The following CNBP variants were observed in gnomAD, a reference collection of about 807,000 sequenced individuals.
CNBP encodes the protein CCHC-type zinc finger nucleic acid binding protein, also known as cellular nucleic acid-binding protein.
A neutral mutation model predicts 21.2 loss-of-function variants in CNBP; 6 were observed. The ratio of observed to expected loss-of-function variants is 0.28; its 90% CI spans 0.16 to 0.56. The LOEUF (loss-of-function observed/expected upper bound fraction) is 0.56. Among genes scored for constraint, CNBP ranks in the 20% least tolerant of loss-of-function variants. The probability of loss-of-function intolerance (pLI) is 0.93; values close to 1 mark genes in which losing one functional copy is unlikely to be tolerated. For missense variants in CNBP, 112 were observed against 233.1 expected, an observed-to-expected ratio of 0.48 and a Z score of 3.38; for synonymous variants, 61 against 74.9, an observed-to-expected ratio of 0.81 and a Z score of 0.96.
At chr3:129,172,695 GACACACACACAC>G (rs1553787467) in intron 1 of CNBP, among the ~76,000 whole-genome samples, 10 of 78,814 alleles carry the variant, frequency 1.3e-4, no homozygotes, top group African/African-American at 4.7e-4. Flanking sequence ...CAGACAGACA[GACACACACACAC>G]ACACACACAC....
intron 1 of CNBP, among the ~76,000 whole-genome samples, chr3:129,178,051 C>G (rs1460605825): frequency 6.7e-6 from 1 of 150,362 alleles, no homozygotes; most frequent in East Asian, 2.0e-4. Flanking sequence ...CCCAGCTACT[C>G]AGGAGGCTGA....
chr3:129,171,664 G>A lies in CNBP; in HGVS notation c.94C>T (p.Arg32Cys), dbSNP rs1178821916. The change falls in exon 2 of 5, where the codon CGT (arginine) becomes TGT (cysteine). Residue 32 changes from arginine (R) to cysteine (C), a missense_variant. Transcript: ENST00000422453. ...TCCGAGGTAAAACCACCTCTGCCAC[G>A]GCTTCTCATTCCACGACCACGGCCT... The part of the protein sequence containing the change: ...GGGRGRGMRS[R>C]GRGGFTSDRG... The A allele has an allele frequency of 6.2e-7, 1 of 1,614,012 alleles. No individual in the cohort carries two copies. The highest frequency in any genetic ancestry group is 1.3e-5 in the African/African-American group (1 of 74,932).
Position 129,174,885 on chromosome 3 carries a change from G to A in CNBP, c.-14-3114C>T, listed in dbSNP as rs555558397. Among the ~76,000 whole-genome samples the A allele has an allele frequency of 7.2e-5, 11 of 151,826 alleles. No homozygotes were observed. The South Asian group carries it at 1.2e-3, about 17-fold the overall frequency. ...ATCTTATAATTTAATATTTAAACAA[G>A]ATACATCTCTTTTAGAAAATACAAA... On this transcript the variant is annotated intron_variant, in intron 1 of 4. Coordinates refer to ENST00000422453, the MANE Select transcript of CNBP (RefSeq NM_003418.5).
At position 129,174,744 on chromosome 3, in the gene CNBP, T is replaced by C. The variant is rs531848482; in HGVS notation, c.-14-2973A>G. On this transcript the variant is annotated intron_variant, in intron 1 of 4. Coordinates refer to ENST00000422453, the MANE Select transcript of CNBP (RefSeq NM_003418.5). Reference sequence around the variant, plus strand: ...ACTTCCTCCCCATCTTCATTTTGTATCTTCTCCAATTTAGTCAGATCAGCT... The same window carrying C: ...ACTTCCTCCCCATCTTCATTTTGTACCTTCTCCAATTTAGTCAGATCAGCT... Among the ~76,000 whole-genome samples the C allele has an allele frequency of 6.6e-5, 10 of 152,046 alleles. No homozygotes were observed. The East Asian group carries it at 1.9e-3, about 29-fold the overall frequency.
At position 129,168,571 on chromosome 3, in the gene CNBP, G is replaced by C. The variant is rs1202631385; in HGVS notation, c.*1882C>G. On this transcript the variant is annotated 3_prime_UTR_variant, in exon 5 of 5. Transcript: ENST00000422453. ...TGCAGTGAGCTGAGATTGCACCATT[G>C]CACTCTAGCCTGGGCAACAGAGCGA... Among the ~76,000 whole-genome samples the C allele has an allele frequency of 8.4e-6, 1 of 118,350 alleles. No homozygotes were observed. The highest frequency in any genetic ancestry group is 1.6e-5 in the Non-Finnish European group (1 of 62,138). 77.6% of individuals were successfully genotyped at this position (118,350 alleles called of 152,430 possible).
chr3:129,180,454 TG>T (rs1262144355), intron 1 of CNBP, among the ~76,000 whole-genome samples: 1 of 152,246 alleles, frequency 6.6e-6, no homozygotes, highest in Non-Finnish European at 1.5e-5. Context: ...CCATTCCAGG[TG>T]ATCACTGTAG....
intron 1 of CNBP, among the ~76,000 whole-genome samples, chr3:129,176,508 T>C (rs1176251599): frequency 6.6e-6 from 1 of 152,220 alleles, no homozygotes; most frequent in Non-Finnish European, 1.5e-5. Flanking sequence ...TGTAACTCAG[T>C]ATTTTAATTC....
At chr3:129,176,940 C>T (rs1361791822) in intron 1 of CNBP, among the ~76,000 whole-genome samples, 2 of 152,008 alleles carry the variant, frequency 1.3e-5, no homozygotes, top group Middle Eastern at 3.2e-3. Context: ...AATCATAAAA[C>T]CATGAAAATT....
chr3:129,172,354 G>C (rs1408504219), intron 1 of CNBP, among the ~76,000 whole-genome samples: 2 of 151,950 alleles, frequency 1.3e-5, no homozygotes, highest in Admixed American at 6.6e-5. Context: ...GGCTGAAGCG[G>C]GTGGACCATC....
At position 129,171,142 on chromosome 3, in the gene CNBP, T is replaced by G; in HGVS notation, c.353A>C (p.Lys118Thr). Residue 118 changes from lysine to threonine, a missense_variant, in exon 4 of 5, where the codon AAA becomes ACA. By Grantham distance (78) the Lys-to-Thr change is moderately conservative. Transcript: ENST00000422453. ...ARDCDHADEQKCYSCGEFGHI... is the reference protein window; with the variant it reads ...ARDCDHADEQTCYSCGEFGHI... ...TCCGAATTCTCCACAAGAATAGCATTTCTGCTCATCTGCATGGTCGCAGTC... is the reference window on the plus strand; with the variant it reads ...TCCGAATTCTCCACAAGAATAGCATGTCTGCTCATCTGCATGGTCGCAGTC... 6.2e-7 allele frequency: 1 copy of G among 1,614,246 alleles called. No homozygotes were observed. Among genetic ancestry groups the G allele is most frequent in the African/African-American group, 1.3e-5 (1 of 75,060 alleles).
intron 4 of CNBP, among the ~76,000 whole-genome samples, 175 bp downstream of exon 4, chr3:129,170,904 G>A (rs1937555851): frequency 6.6e-6 from 1 of 152,026 alleles, no homozygotes; most frequent in Non-Finnish European, 1.5e-5. Context: ...AGGATATCAG[G>A]GCAGAATACA....
At position 129,168,447 on chromosome 3, in the gene CNBP, A is replaced by G. The variant is rs1227101617; in HGVS notation, c.*2006T>C. Among the ~76,000 whole-genome samples, 1 of 138,170 alleles carries G rather than the reference A, an allele frequency of 7.2e-6. No individual in the cohort carries two copies. The highest frequency in any genetic ancestry group is 2.7e-5 in the African/African-American group (1 of 37,172). 90.6% of individuals were successfully genotyped at this position (138,170 alleles called of 152,430 possible). A position where few individuals can be genotyped will look rare whatever the true frequency, so the allele number is the denominator to read the frequency against. On this transcript the variant is annotated 3_prime_UTR_variant, in exon 5 of 5. Transcript: ENST00000422453. Reference sequence around the variant, plus strand: ...CCCATCTCTACTAAAAATAACAAAAATTAGCTGGGTGTGGTGGCGGACACC... The same window carrying G: ...CCCATCTCTACTAAAAATAACAAAAGTTAGCTGGGTGTGGTGGCGGACACC...
rs1382490800 is a variant in CNBP at position 129,172,612 on chromosome 3, GCAGACAGGCAGC to G, written c.-14-853_-14-842del. Reference sequence around the variant, plus strand: ...GGCAGGCAGGCAGGCAGGCAGACAGGCAGACAGGCAGCCAGGCAGGCAGGCAGGCAGGCAGGC... The same window carrying G: ...GGCAGGCAGGCAGGCAGGCAGACAGGCAGGCAGGCAGGCAGGCAGGCAGGC... On this transcript the variant is annotated intron_variant, in intron 1 of 4. Coordinates refer to ENST00000422453, the MANE Select transcript of CNBP (RefSeq NM_003418.5). Among the ~76,000 whole-genome samples the G allele has an allele frequency of 1.6e-3, 36 of 22,086 alleles. 1 individual carries two copies. In the East Asian group the frequency reaches 0.016, roughly 10 times the overall value. 14.5% of individuals were successfully genotyped at this position (22,086 alleles called of 152,430 possible).
intron 1 of CNBP, among the ~76,000 whole-genome samples, chr3:129,182,381 G>C (rs531725978): frequency 1.3e-5 from 2 of 152,196 alleles, no homozygotes; most frequent in African/African-American, 4.8e-5. Context: ...GACGATTACT[G>C]AGCAATGTTC....
intron 1 of CNBP, among the ~76,000 whole-genome samples, chr3:129,180,751 A>C (rs1452486024): frequency 6.6e-6 from 1 of 151,124 alleles, no homozygotes; most frequent in South Asian, 2.1e-4. Flanking sequence ...GGAAGAGAAA[A>C]AGGAACCAAT....
chr3:129,176,054 T>C (rs1028704662), intron 1 of CNBP, among the ~76,000 whole-genome samples: 6 of 152,200 alleles, frequency 3.9e-5, no homozygotes, highest in Non-Finnish European at 8.8e-5. Flanking sequence ...CTACTTATAT[T>C]AGGCAGCAGG....
chr3:129,181,239 C>CAAAAAAAAAAAAAAAAA (rs10587328), intron 1 of CNBP, among the ~76,000 whole-genome samples: 11 of 53,174 alleles, frequency 2.1e-4, no homozygotes, highest in African/African-American at 9.2e-4. Context: ...GACTCTGTCT[C>CAAAAAAAAAAAAAAAAA]AAAAAAAAAA....
chr3:129,177,968 A>C (rs1013070509), intron 1 of CNBP, among the ~76,000 whole-genome samples: 2 of 151,976 alleles, frequency 1.3e-5, no homozygotes, highest in Admixed American at 1.3e-4. Context: ...GAGACCAGCT[A>C]GCCAACATGG....
At chr3:129,173,181 C>T (rs764023333) in intron 1 of CNBP, among the ~76,000 whole-genome samples, 6 of 152,148 alleles carry the variant, frequency 3.9e-5, no homozygotes, top group Non-Finnish European at 8.8e-5. Flanking sequence ...ATTCCCTAAA[C>T]AATACAATGT....
Sources: allele counts gnomAD v4.1 joint callset (sites outside exome capture counted in the v4.1 genomes callset), GRCh38; gene constraint gnomAD v4.1.1; transcripts MANE v1.5; gene names NCBI Gene and HGNC (gene_info 2026-07-23, HGNC 2026-07-21).